Variants in SAMD3 observed in about 807,000 individuals in gnomAD.
SAMD3 encodes sterile alpha motif domain containing 3, also known as sterile alpha motif domain-containing protein 3.
Under a neutral mutation model 58.5 loss-of-function variants are expected in SAMD3, and 63 were observed. That is an observed-to-expected ratio of 1.08 (90% confidence interval 0.88 to 1.33). SAMD3 has a LOEUF of 1.33. Among genes scored for constraint, SAMD3 ranks in the 40% most tolerant of loss-of-function variants. The pLI, the probability that SAMD3 is intolerant of heterozygous loss-of-function variation, is 0.00. For missense variants in SAMD3, 604 were observed against 608.4 expected (o/e 0.99, Z 0.08); for synonymous variants, 220 against 210.3 (o/e 1.05, Z -0.40).
At chr6:130,148,543 A>C (rs1788848711) in intron 9 of SAMD3, among the ~76,000 whole-genome samples, 1 of 152,154 alleles carries the variant, frequency 6.6e-6, no homozygotes, top group Non-Finnish European at 1.5e-5. Context: ...TTTCTCCACG[A>C]ACCCTAATTC....
chr6:130,256,250 A>G (rs962010), intron 2 of SAMD3, among the ~76,000 whole-genome samples: 67,469 of 151,308 alleles, frequency 0.45, 17,041 homozygotes, highest in African/African-American at 0.69. Context: ...ATTTTAGCAC[A>G]AGTTAGATAT....
chr6:130,184,330 T>C (rs1338016526), intron 6 of SAMD3, 108 bp downstream of exon 6: 3 of 1,213,056 alleles, frequency 2.5e-6, no homozygotes, highest in Non-Finnish European at 2.3e-6. Context: ...TGGGACCTAT[T>C]ACCAATATAT....
chr6:130,365,607 C>G (rs1396788310), upstream of SAMD3: 1 of 985,464 alleles, frequency 1.0e-6, no homozygotes, highest in East Asian at 1.1e-4. Context: ...ACTGGGGGAG[C>G]CGGGTCCCTG....
intron 2 of SAMD3, among the ~76,000 whole-genome samples, chr6:130,310,130 A>T (rs974323949): frequency 2.0e-5 from 3 of 152,216 alleles, no homozygotes; most frequent in African/African-American, 7.2e-5. Context: ...TTAGAGAATA[A>T]TATTCTCCCA....
In SAMD3 at chr6:130,328,979, T is replaced by A. The variant is rs1055688707; in HGVS notation, c.-303-15886A>T. Among the ~76,000 whole-genome samples, 9 of 152,260 alleles carry A rather than the reference T, an allele frequency of 5.9e-5. No homozygotes were observed. The East Asian group carries it at 1.4e-3, about 23-fold the overall frequency. ...AGGGAAACGAGAATATAAGAGATTG[T>A]CTTTAGATGGCCACAAGTAAGAGAG... On this transcript the variant is annotated intron_variant, in intron 1 of 13. Transcript: ENST00000368134.
chr6:130,204,899 T>C (rs1794953629), intron 5 of SAMD3, among the ~76,000 whole-genome samples: 1 of 152,062 alleles, frequency 6.6e-6, no homozygotes, highest in South Asian at 2.1e-4. Context: ...CCAGGTGCTT[T>C]GATATGTTCT....
chr6:130,254,575 T>A (rs1477201037), intron 2 of SAMD3, among the ~76,000 whole-genome samples: 1 of 152,162 alleles, frequency 6.6e-6, no homozygotes, highest in Admixed American at 6.5e-5. Context: ...GCAATCTGCC[T>A]GCCTTGGCCT....
chr6:130,286,209 T>G (rs972025669), intron 2 of SAMD3: 1 of 152,260 alleles, frequency 6.6e-6, no homozygotes, highest in Non-Finnish European at 1.5e-5. Context: ...GTGCCTCCTG[T>G]GGCACCATCT....
intron 1 of SAMD3, among the ~76,000 whole-genome samples, chr6:130,364,393 G>A (rs1177918464): frequency 6.6e-6 from 1 of 152,040 alleles, no homozygotes; most frequent in African/African-American, 2.4e-5. Flanking sequence ...TATGGACTAT[G>A]AGCCTATTCC....
intron 1 of SAMD3, among the ~76,000 whole-genome samples, chr6:130,345,876 T>A (rs1206371761): frequency 1.3e-5 from 2 of 152,214 alleles, no homozygotes; most frequent in Non-Finnish European, 2.9e-5. Context: ...ATGGGTCATG[T>A]GTCATTGTGC....
chr6:130,238,446 T>A (rs1324727361), intron 2 of SAMD3, among the ~76,000 whole-genome samples: 1 of 151,986 alleles, frequency 6.6e-6, no homozygotes, highest in East Asian at 1.9e-4. Context: ...TAAACTAATA[T>A]GAGTAAGGAG....
intron 2 of SAMD3, among the ~76,000 whole-genome samples, chr6:130,297,246 T>C (rs1477348136): frequency 2.0e-5 from 3 of 152,192 alleles, no homozygotes; most frequent in African/African-American, 7.2e-5. Context: ...AGAAAGCCAC[T>C]GCACAGAAGC....
intron 2 of SAMD3, among the ~76,000 whole-genome samples, chr6:130,295,576 G>A (rs965334556): frequency 1.3e-5 from 2 of 152,170 alleles, no homozygotes; most frequent in Non-Finnish European, 2.9e-5. Flanking sequence ...GGAGACCACA[G>A]CAAAACTCTC....
At chr6:130,267,131 C>T (rs1774388178) in intron 2 of SAMD3, among the ~76,000 whole-genome samples, 1 of 152,142 alleles carries the variant, frequency 6.6e-6, no homozygotes, top group Non-Finnish European at 1.5e-5. Flanking sequence ...TTGCTGTCTA[C>T]ACATAGATGA....
chr6:130,162,019 T>C (rs952461991), intron 8 of SAMD3: 8 of 394,242 alleles, frequency 2.0e-5, no homozygotes, highest in African/African-American at 1.7e-4. Flanking sequence ...GGCCAAGAAA[T>C]ACACTGAAGG....
Position 130,201,858 on chromosome 6 carries a change from G to A in SAMD3, c.383+7637C>T, listed in dbSNP as rs185207152. 3.6e-3 allele frequency among the ~76,000 whole-genome samples: 545 copies of A among 152,240 alleles called. 7 individuals carry two copies. The highest frequency in any genetic ancestry group is 0.013 in the African/African-American group (521 of 41,532). The stretch of plus-strand genomic sequence containing the variant: ...GCCTTTCCCTAGAGGCCTTCGCCAC[G>A]CTTACTTCCCAGAAAGTCTTATTTC... On this transcript the variant is annotated intron_variant, in intron 5 of 11. Transcript: ENST00000439090.
rs1182659530 is a variant in SAMD3, at chr6:130,256,449, AAAAT to A, written c.-187-33640_-187-33637del. Among the ~76,000 whole-genome samples the A allele has an allele frequency of 2.0e-5, 3 of 152,356 alleles. No homozygotes were observed. In the East Asian group the frequency reaches 5.8e-4, roughly 29 times the overall value. Reference sequence around the variant, plus strand: ...TGACTATTTTCTGCCATGTAAAAATAAAATACTTTTTAAAATTCATAACCATTAT... The same window carrying A: ...TGACTATTTTCTGCCATGTAAAAATAACTTTTTAAAATTCATAACCATTAT... On this transcript the variant is annotated intron_variant, in intron 2 of 13. Transcript: ENST00000368134.
intron 8 of SAMD3, among the ~76,000 whole-genome samples, chr6:130,170,287 C>T (rs916069535): frequency 2.0e-5 from 3 of 152,190 alleles, no homozygotes; most frequent in Non-Finnish European, 4.4e-5. Flanking sequence ...TGAATGAGAA[C>T]ACGTGGTGTG....
intron 2 of SAMD3, among the ~76,000 whole-genome samples, chr6:130,252,529 A>G (rs192632552): frequency 2.6e-4 from 39 of 152,206 alleles, no homozygotes; most frequent in African/African-American, 9.4e-4. Flanking sequence ...AACAAGGCAA[A>G]TCACTTGGCC....
Sources: gnomAD v4.1 joint callset for allele counts (sites outside exome capture counted in the v4.1 genomes callset) on GRCh38, gnomAD v4.1.1 for gene constraint, MANE v1.5 for transcripts, NCBI Gene and HGNC (gene_info 2026-07-23, HGNC 2026-07-21) for gene names.